Variants in XAF1 observed in about 807,000 individuals in gnomAD.
XAF1 encodes the protein XIAP associated factor 1, also known as XIAP-associated factor 1.
XAF1 carries 32 observed loss-of-function variants against 32.3 expected under a neutral mutation model. That is an observed-to-expected ratio of 0.99 (90% CI 0.75 to 1.33). The LOEUF (loss-of-function observed/expected upper bound fraction) is 1.33. Ranked by LOEUF, XAF1 falls within the 40% of genes most tolerant of loss-of-function variation. The pLI is 0.00. For synonymous variants in XAF1, 120 were observed against 125.9 expected (o/e 0.95, Z 0.31); for missense variants, 379 against 366.0 (o/e 1.04, Z -0.29).
At chr17:6,760,699 C>A in intron 4 of XAF1, 98 bp downstream of exon 4, 2 of 1,219,118 alleles carry the variant, frequency 1.6e-6, no homozygotes, top group Non-Finnish European at 2.3e-6. Context: ...GGACGGATGA[C>A]AAGTGTATTT....
rs531930068 is a variant in XAF1, at chr17:6,765,677, C to T, written c.507+3437C>T. On this transcript the variant is annotated intron_variant, in intron 5 of 6. Transcript: ENST00000361842. Reference sequence around the variant, plus strand: ...TGTTCAGGCCAAAATCTCAGGTTCACTCTCGACTTCTCTTTCCCTCCGCAT... The same window carrying T: ...TGTTCAGGCCAAAATCTCAGGTTCATTCTCGACTTCTCTTTCCCTCCGCAT... Among the ~76,000 whole-genome samples, 9 of 152,288 alleles carry T rather than the reference C, an allele frequency of 5.9e-5. No homozygotes were observed. In the South Asian group the frequency reaches 1.7e-3, roughly 28 times the overall value.
chr17:6,771,166 T>C, intron 6 of XAF1, 182 bp downstream of exon 6: 2 of 587,402 alleles, frequency 3.4e-6, no homozygotes, highest in Non-Finnish European at 5.8e-6. Flanking sequence ...TTTATTTGCA[T>C]CACCTCCGAG....
At chr17:6,757,775 G>A (rs9907577) in intron 1 of XAF1, among the ~76,000 whole-genome samples, 1 of 152,014 alleles carries the variant, frequency 6.6e-6, no homozygotes, top group Non-Finnish European at 1.5e-5. Flanking sequence ...CACCATCCCC[G>A]TAATTGAGAT....
At position 6,773,987 on chromosome 17, in the gene XAF1, G is replaced by C. The variant is rs1010801165; in HGVS notation, c.*818G>C. ...GCCATACTACCCAAAGCAATTTATA[G>C]ATTCAATGCTATTCCTATCAAACTA... On this transcript the variant is annotated 3_prime_UTR_variant, in exon 7 of 7. Coordinates refer to ENST00000361842, the MANE Select transcript of XAF1 (RefSeq NM_017523.5). 1.3e-5 allele frequency: 2 copies of C among 151,972 alleles called. No homozygotes were observed. The highest frequency in any genetic ancestry group is 2.9e-5 in the Non-Finnish European group (2 of 67,986). 9.4% of individuals were successfully genotyped at this position (151,972 alleles called of 1,614,324 possible).
rs1976311074 is a variant in XAF1 at position 6,774,822 on chromosome 17, C to T, written c.*1653C>T. Reference sequence around the variant, plus strand: ...TTGGGAGGCTGAGGCGGGTGGTTCACCTGAGGTCAGGAGTTTGAGACCAGC... The same window carrying T: ...TTGGGAGGCTGAGGCGGGTGGTTCATCTGAGGTCAGGAGTTTGAGACCAGC... On this transcript the variant is annotated 3_prime_UTR_variant, in exon 7 of 7. Transcript: ENST00000361842. The T allele has an allele frequency of 6.6e-6, 1 of 152,214 alleles. No homozygotes were observed. Among genetic ancestry groups the T allele is most frequent in the African/African-American group, 2.4e-5 (1 of 41,494 alleles). The allele number at this position is 152,214 out of a possible 1,614,324, so 9.4% of individuals were successfully genotyped here. A position where few individuals can be genotyped will look rare whatever the true frequency, so the allele number is the denominator to read the frequency against.
chr17:6,760,235 C>A (rs1027779194), intron 3 of XAF1, among the ~76,000 whole-genome samples, 171 bp from the exon 4 acceptor site: 2 of 151,768 alleles, frequency 1.3e-5, no homozygotes, highest in African/African-American at 2.4e-5. Flanking sequence ...GTGGTCCCAG[C>A]CACTTGGGAG....
At chr17:6,767,491 G>T (rs1975702171) in intron 5 of XAF1, among the ~76,000 whole-genome samples, 1 of 152,212 alleles carries the variant, frequency 6.6e-6, no homozygotes. Context: ...AGTGCTAAGA[G>T]AAAATAGCTG....
At chr17:6,755,836 AG>A, upstream of XAF1, 1 of 1,343,520 alleles carries the variant, frequency 7.4e-7, no homozygotes, top group Non-Finnish European at 9.6e-7. Flanking sequence ...AGCCTCAGGG[AG>A]GTAGATGCGG....
intron 5 of XAF1, among the ~76,000 whole-genome samples, chr17:6,763,659 G>T (rs1452960499): frequency 6.6e-6 from 1 of 152,114 alleles, no homozygotes; most frequent in Admixed American, 6.6e-5. Context: ...CATTCGGATT[G>T]TTTCCACCTT....
intron 5 of XAF1, among the ~76,000 whole-genome samples, chr17:6,764,562 GA>G (rs150948176): frequency 0.11 from 16,917 of 152,188 alleles, 1,308 homozygotes; most frequent in African/African-American, 0.22. Context: ...GGCCTTGCAC[GA>G]AAAGAATTTT....
chr17:6,765,230 A>G (rs952008620), intron 5 of XAF1, among the ~76,000 whole-genome samples: 17 of 152,216 alleles, frequency 1.1e-4, no homozygotes, highest in South Asian at 4.1e-4. Flanking sequence ...TGGCTAACAC[A>G]GTGAACTCTC....
chr17:6,761,921 A>C, intron 4 of XAF1: 1 of 1,504,246 alleles, frequency 6.6e-7, no homozygotes, highest in Non-Finnish European at 8.9e-7. Flanking sequence ...TCTCTCCATT[A>C]CGGTTGCTGC....
In XAF1 at chr17:6,774,620, A is replaced by G. The variant is rs1170989154; in HGVS notation, c.*1451A>G. 6.6e-6 allele frequency: 1 copy of G among 152,246 alleles called. No homozygotes were observed. The highest frequency in any genetic ancestry group is 1.5e-5 in the Non-Finnish European group (1 of 68,038). 9.4% of individuals were successfully genotyped at this position (152,246 alleles called of 1,614,324 possible). On this transcript the variant is annotated 3_prime_UTR_variant, in exon 7 of 7. Coordinates refer to ENST00000361842, the MANE Select transcript of XAF1 (RefSeq NM_017523.5). The stretch of plus-strand genomic sequence containing the variant: ...TGACTCAGCAATCCCATTATTGGTT[A>G]TATACCCAAAGGAATCTAAATCATT...
intron 5 of XAF1, among the ~76,000 whole-genome samples, chr17:6,764,727 C>A (rs1222623954): frequency 3.3e-5 from 5 of 151,806 alleles, no homozygotes; most frequent in African/African-American, 1.2e-4. Context: ...TTTCTTTGTT[C>A]CCCTCCGTAG....
rs1190999042 is a variant in XAF1, at chr17:6,759,392, T to A, written c.169-270T>A. 5.1e-6 allele frequency: 7 copies of A among 1,370,550 alleles called. No homozygotes were observed. In the Admixed American group the frequency reaches 9.4e-5, roughly 18 times the overall value. 84.9% of individuals were successfully genotyped at this position (1,370,550 alleles called of 1,614,324 possible). ...TGGAGCCCTGTTTCCCGCCTTTCCA[T>A]GTCCATTCCTCCTGGGGCCCCTGAT... On this transcript the variant is annotated intron_variant, in intron 2 of 6. Transcript: ENST00000361842.
upstream of XAF1, chr17:6,755,823 G>T: frequency 7.5e-7 from 1 of 1,325,308 alleles, no homozygotes; most frequent in South Asian, 1.6e-5. Flanking sequence ...GCCTCAGGCT[G>T]CCAGCCTCAG....
chr17:6,771,441 A>G (rs9916678), intron 6 of XAF1: 2,335 of 153,938 alleles, frequency 0.015, 68 homozygotes, highest in African/African-American at 0.053. Flanking sequence ...CTTCAAGAAG[A>G]TCAGGGTTTG....
At chr17:6,760,724 A>C in intron 4 of XAF1, 123 bp downstream of exon 4, 64 of 998,764 alleles carry the variant, frequency 6.4e-5, no homozygotes, top group Non-Finnish European at 9.0e-5. Context: ...TATAGATCTC[A>C]ATTCATCTGG....
intron 4 of XAF1, chr17:6,761,630 C>A: frequency 3.1e-6 from 1 of 321,716 alleles, no homozygotes; most frequent in Non-Finnish European, 5.7e-6. Context: ...CCAATGGAAA[C>A]CTGGAAATTG....
Sources: gnomAD v4.1 joint callset for allele counts (sites outside exome capture counted in the v4.1 genomes callset) on GRCh38, gnomAD v4.1.1 for gene constraint, MANE v1.5 for transcripts, NCBI Gene and HGNC (gene_info 2026-07-23, HGNC 2026-07-21) for gene names.